ZMYM2: variants seen among roughly 807,000 people sequenced by gnomAD.
ZMYM2 encodes zinc finger MYM-type containing 2.
Under a neutral mutation model 162.8 loss-of-function variants are expected in ZMYM2, and 56 were observed. The observed-to-expected ratio is 0.34, with a 90% CI of 0.28 to 0.43. The LOEUF (loss-of-function observed/expected upper bound fraction) is 0.43, where lower values mean the gene tolerates loss of function less well. Ranked by LOEUF, ZMYM2 falls within the 20% of genes least tolerant of loss-of-function variation. The probability of loss-of-function intolerance (pLI) is 1.00; values close to 1 mark genes in which losing one functional copy is unlikely to be tolerated. For missense variants in ZMYM2, 1,275 were observed against 1,621.8 expected (o/e 0.79, Z 3.67); for synonymous variants, 510 against 541.6 (o/e 0.94, Z 0.81).
At chr13:19,972,470 T>G (rs1349812422) in intron 2 of ZMYM2, among the ~76,000 whole-genome samples, 1 of 152,200 alleles carries the variant, frequency 6.6e-6, no homozygotes, top group Non-Finnish European at 1.5e-5. Context: ...TTTGCAATTT[T>G]TTTTTTCACT....
chr13:19,956,832 A>C (rs1476147339), upstream of ZMYM2, among the ~76,000 whole-genome samples: 33 of 152,210 alleles, frequency 2.2e-4, no homozygotes, highest in Non-Finnish European at 1.5e-5. Flanking sequence ...GCAGCAGAAA[A>C]GGAATGATGT....
intron 2 of ZMYM2, among the ~76,000 whole-genome samples, chr13:19,987,083 G>A (rs1165442284): frequency 8.3e-6 from 1 of 120,320 alleles, no homozygotes; most frequent in Admixed American, 1.2e-4. Context: ...CCAGCCTGCA[G>A]CCTGGGCAAG....
intron 14 of ZMYM2, among the ~76,000 whole-genome samples, chr13:20,053,720 T>C (rs1294722457): frequency 2.0e-5 from 3 of 152,212 alleles, no homozygotes; most frequent in Admixed American, 6.5e-5. Context: ...ATCACTGATA[T>C]AGATGAAAAT....
intron 2 of ZMYM2, among the ~76,000 whole-genome samples, chr13:19,986,138 A>G (rs1191045933): frequency 6.6e-6 from 1 of 152,174 alleles, no homozygotes; most frequent in Non-Finnish European, 1.5e-5. Flanking sequence ...GCAGTGTTGC[A>G]GTGAGCCTAG....
intron 2 of ZMYM2, among the ~76,000 whole-genome samples, chr13:19,968,813 TAAA>T (rs1399938222): frequency 6.6e-6 from 1 of 152,222 alleles, no homozygotes; most frequent in Non-Finnish European, 1.5e-5. Flanking sequence ...AGCCTGGACT[TAAA>T]AACCCTTTTA....
intron 3 of ZMYM2, among the ~76,000 whole-genome samples, chr13:19,996,923 T>C (rs536773362): frequency 6.6e-6 from 1 of 151,886 alleles, no homozygotes; most frequent in Non-Finnish European, 1.5e-5. Flanking sequence ...AGGTGTGGGG[T>C]GTGGAGCTGT....
chr13:19,982,473 A>T (rs1957426843), intron 2 of ZMYM2, among the ~76,000 whole-genome samples: 1 of 151,696 alleles, frequency 6.6e-6, no homozygotes, highest in South Asian at 2.1e-4. Context: ...TTTTTAGTAG[A>T]GATGGGGTTT....
intron 2 of ZMYM2, among the ~76,000 whole-genome samples, chr13:19,989,008 G>A (rs1949396984): frequency 6.6e-6 from 1 of 152,054 alleles, no homozygotes; most frequent in Non-Finnish European, 1.5e-5. Context: ...AGAATCCAAA[G>A]TGCATCTGGT....
intron 3 of ZMYM2, among the ~76,000 whole-genome samples, chr13:19,995,284 C>G (rs566913521): frequency 6.6e-6 from 1 of 152,206 alleles, no homozygotes; most frequent in East Asian, 1.9e-4. Context: ...TATTTAATGT[C>G]TACAACTCGA....
At chr13:20,068,630 T>C (rs1274557205) in intron 21 of ZMYM2, among the ~76,000 whole-genome samples, 1 of 152,118 alleles carries the variant, frequency 6.6e-6, no homozygotes, top group African/African-American at 2.4e-5. Flanking sequence ...TCTTTTATTA[T>C]ACCTAGGAGG....
At chr13:20,059,213 T>G (rs1956046107) in intron 15 of ZMYM2, among the ~76,000 whole-genome samples, 1 of 151,788 alleles carries the variant, frequency 6.6e-6, no homozygotes. Context: ...GGATGTTTTC[T>G]TTCTTAAAAA....
chr13:19,963,393 C>CT (rs1955456327), intron 2 of ZMYM2, among the ~76,000 whole-genome samples: 1 of 152,190 alleles, frequency 6.6e-6, no homozygotes, highest in African/African-American at 2.4e-5. Flanking sequence ...ATATATAACA[C>CT]TTACAAAGTT....
At chr13:20,076,517 G>A (rs1957514411) in intron 21 of ZMYM2, among the ~76,000 whole-genome samples, 1 of 150,322 alleles carries the variant, frequency 6.7e-6, no homozygotes, top group South Asian at 2.1e-4. Context: ...TCTGTGAATT[G>A]CCCCATCGTT....
At chr13:20,038,355 C>T (rs1321913785) in intron 12 of ZMYM2, among the ~76,000 whole-genome samples, 4 of 152,218 alleles carry the variant, frequency 2.6e-5, no homozygotes, top group Admixed American at 2.0e-4. Flanking sequence ...TTGCTGGTTC[C>T]TATGTCCAGA....
At chr13:20,074,748 C>T (rs1023740880) in intron 21 of ZMYM2, among the ~76,000 whole-genome samples, 3 of 151,836 alleles carry the variant, frequency 2.0e-5, no homozygotes, top group East Asian at 1.9e-4. Flanking sequence ...CCGTGTTAGC[C>T]GGGACGGTCT....
In ZMYM2 at chr13:20,007,431, C is replaced by T. The variant is rs1950830645; in HGVS notation, c.1512+845C>T. The stretch of plus-strand genomic sequence containing the variant: ...GGATTACAGGCGTGAACCACTGCAC[C>T]CGTCCAGGTTAATGTTATTTTAAGG... On this transcript the variant is annotated intron_variant, in intron 6 of 24. Transcript: ENST00000610343. Among the ~76,000 whole-genome samples, 4 of 151,958 alleles carry T rather than the reference C, an allele frequency of 2.6e-5. No individual in the cohort carries two copies. In the South Asian group the frequency reaches 8.3e-4, roughly 32 times the overall value.
At chr13:20,084,122 C>T (rs1017555039) in intron 24 of ZMYM2, among the ~76,000 whole-genome samples, 2 of 152,140 alleles carry the variant, frequency 1.3e-5, no homozygotes, top group Non-Finnish European at 2.9e-5. Context: ...AGCCATCCTC[C>T]CACCCTCTGC....
At chr13:19,877,416 A>T in the ZMYM2 span, among the ~76,000 whole-genome samples, 1 of 152,306 alleles carries the variant, frequency 6.6e-6, no homozygotes, top group Non-Finnish European at 1.5e-5. Flanking sequence ...CAATGAAGCC[A>T]GACTCCTTTT....
Position 20,034,346 on chromosome 13 carries a change from G to C in ZMYM2, c.2061G>C (p.Glu687Asp). Residue 687 changes from glutamate (E) to aspartate (D), a missense_variant, in exon 11 of 25, where the codon GAG becomes GAC. By Grantham distance (45) the Glu-to-Asp change is conservative. Around this residue, in one of 10 missense-constraint regions of ZMYM2, gnomAD observed 3 missense variants for 16.8 expected, o/e 0.18. Transcript: ENST00000610343. The stretch of plus-strand genomic sequence containing the variant: ...CATATTGCGAATACTGTCAAGAGGA[G>C]AAGACTCTTCATGAAACAGTAAATT... The part of the protein sequence containing the change: ...IVTYCEYCQE[E>D]KTLHETVNFS... 6.2e-7 allele frequency: 1 copy of C among 1,610,380 alleles called. No individual in the cohort carries two copies. The highest frequency in any genetic ancestry group is 1.1e-5 in the South Asian group (1 of 90,054).
Sources: allele counts gnomAD v4.1 joint callset (sites outside exome capture counted in the v4.1 genomes callset), GRCh38; gene constraint gnomAD v4.1.1; regional missense constraint gnomAD v4.1.1; transcripts MANE v1.5; gene names NCBI Gene and HGNC (gene_info 2026-07-23, HGNC 2026-07-21).